The following NXPH1 variants were observed in gnomAD, a reference collection of about 807,000 sequenced individuals.
NXPH1 encodes the protein neurexophilin-1.
A neutral mutation model predicts 23.7 loss-of-function variants in NXPH1; 5 were observed. That is an observed-to-expected ratio of 0.21 (90% confidence interval 0.11 to 0.44). NXPH1 has a LOEUF of 0.44. NXPH1 is among the 20% of genes least tolerant of loss of function. The probability of loss-of-function intolerance (pLI) is 0.99; values close to 1 mark genes in which losing one functional copy is unlikely to be tolerated. For synonymous variants in NXPH1, 144 were observed against 122.2 expected (o/e 1.18, Z -1.18); for missense variants, 324 against 321.6 (o/e 1.01, Z -0.06).
intron 2 of NXPH1, among the ~76,000 whole-genome samples, chr7:8,476,056 G>A (rs537630014): frequency 2.0e-5 from 3 of 152,264 alleles, no homozygotes; most frequent in African/African-American, 7.2e-5. Context: ...CATGATGCAA[G>A]TAATGTTCTG....
chr7:8,726,793 C>A (rs1227416879), intron 2 of NXPH1, among the ~76,000 whole-genome samples: 1 of 150,438 alleles, frequency 6.6e-6, no homozygotes, highest in African/African-American at 2.4e-5. Context: ...CCGCAATAAA[C>A]ATACGTGTGC....
chr7:8,659,324 C>T (rs1820632920), intron 2 of NXPH1, among the ~76,000 whole-genome samples: 1 of 152,162 alleles, frequency 6.6e-6, no homozygotes, highest in Non-Finnish European at 1.5e-5. Flanking sequence ...CTCAGACCCT[C>T]TATTAAGGGT....
chr7:8,707,919 C>G (rs1172390039), intron 2 of NXPH1, among the ~76,000 whole-genome samples: 1 of 152,002 alleles, frequency 6.6e-6, no homozygotes, highest in Non-Finnish European at 1.5e-5. Context: ...AGTTTAATTA[C>G]TTAAATAATG....
chr7:8,576,674 T>C (rs916552578), intron 2 of NXPH1, among the ~76,000 whole-genome samples: 7 of 151,666 alleles, frequency 4.6e-5, no homozygotes. Context: ...GAACAGACAG[T>C]AGAAAAAAAG....
intron 2 of NXPH1, among the ~76,000 whole-genome samples, chr7:8,680,151 G>A (rs1289934241): frequency 6.6e-6 from 1 of 152,210 alleles, no homozygotes; most frequent in East Asian, 1.9e-4. Flanking sequence ...TCCTATGCTG[G>A]TAATTGTATA....
chr7:8,645,274 A>G (rs1309833421), intron 2 of NXPH1, among the ~76,000 whole-genome samples: 3 of 152,164 alleles, frequency 2.0e-5, no homozygotes, highest in Non-Finnish European at 4.4e-5. Flanking sequence ...TACCCAGTAC[A>G]TTTCCACAAG....
At chr7:8,653,882 C>T (rs1046477428) in intron 2 of NXPH1, among the ~76,000 whole-genome samples, 4 of 152,144 alleles carry the variant, frequency 2.6e-5, no homozygotes, top group African/African-American at 9.7e-5. Flanking sequence ...TTCTCCTCTA[C>T]ATACTTTTGC....
At chr7:8,685,163 A>G (rs1211528367) in intron 2 of NXPH1, among the ~76,000 whole-genome samples, 1 of 152,068 alleles carries the variant, frequency 6.6e-6, no homozygotes, top group South Asian at 2.1e-4. Flanking sequence ...TAATTCACAC[A>G]ATAGTTTAAT....
At chr7:8,711,081 T>G (rs1562462027) in intron 2 of NXPH1, among the ~76,000 whole-genome samples, 1 of 152,230 alleles carries the variant, frequency 6.6e-6, no homozygotes, top group Non-Finnish European at 1.5e-5. Context: ...GCAACATAAC[T>G]TTCAAGTTAT....
At chr7:8,461,666 TAAAAA>T (rs1439617810) in intron 2 of NXPH1, among the ~76,000 whole-genome samples, 79 of 150,016 alleles carry the variant, frequency 5.3e-4, no homozygotes, top group African/African-American at 1.9e-3. Context: ...CCGTCTCTAC[TAAAAA>T]TACAAAAAAT....
intron 2 of NXPH1, among the ~76,000 whole-genome samples, chr7:8,730,404 G>T (rs1780130180): frequency 6.6e-6 from 1 of 150,946 alleles, no homozygotes; most frequent in Non-Finnish European, 1.5e-5. Flanking sequence ...TGGTTATTTT[G>T]CTCGTTAGTT....
At chr7:8,537,427 G>A (rs1379583952) in intron 2 of NXPH1, among the ~76,000 whole-genome samples, 2 of 151,946 alleles carry the variant, frequency 1.3e-5, no homozygotes, top group African/African-American at 2.4e-5. Flanking sequence ...AGAAGGGGAA[G>A]CAAACATGTC....
chr7:8,745,475 T>C (rs916386030), intron 2 of NXPH1, among the ~76,000 whole-genome samples: 4 of 152,026 alleles, frequency 2.6e-5, no homozygotes, highest in African/African-American at 9.7e-5. Flanking sequence ...TGTTTGTCTA[T>C]GAATGTAAAA....
At chr7:8,732,143 G>A (rs1383574478) in intron 2 of NXPH1, among the ~76,000 whole-genome samples, 3 of 152,240 alleles carry the variant, frequency 2.0e-5, no homozygotes, top group African/African-American at 7.2e-5. Flanking sequence ...ACTAGGAAAG[G>A]GAACTCCCTG....
At chr7:8,681,989 G>T (rs1266793483) in intron 2 of NXPH1, among the ~76,000 whole-genome samples, 1 of 152,174 alleles carries the variant, frequency 6.6e-6, no homozygotes, top group African/African-American at 2.4e-5. Flanking sequence ...AGGAGCAAAA[G>T]CAAGGAGGCA....
At chr7:8,664,318 C>T (rs756370400) in intron 2 of NXPH1, among the ~76,000 whole-genome samples, 1 of 152,000 alleles carries the variant, frequency 6.6e-6, no homozygotes, top group Admixed American at 6.6e-5. Flanking sequence ...CTTGTATTGC[C>T]CAACTTGTTT....
intron 2 of NXPH1, among the ~76,000 whole-genome samples, chr7:8,618,192 C>A (rs539289085): frequency 6.6e-6 from 1 of 152,194 alleles, no homozygotes; most frequent in South Asian, 2.1e-4. Context: ...AATGGATACT[C>A]ATGTTTGTAC....
intron 2 of NXPH1, among the ~76,000 whole-genome samples, chr7:8,629,339 G>C (rs1221066663): frequency 1.3e-5 from 2 of 152,102 alleles, no homozygotes; most frequent in Admixed American, 1.3e-4. Context: ...TAGTTTAGCT[G>C]TGAAAAAGTT....
At chr7:8,571,596 G>A (rs1403868264) in intron 2 of NXPH1, among the ~76,000 whole-genome samples, 2 of 151,922 alleles carry the variant, frequency 1.3e-5, no homozygotes, top group East Asian at 3.9e-4. Context: ...AAGGACAAAT[G>A]CTAGACATAT....
Sources: allele counts gnomAD v4.1 joint callset (sites outside exome capture counted in the v4.1 genomes callset), GRCh38; gene constraint gnomAD v4.1.1; transcripts MANE v1.5; gene names NCBI Gene and HGNC (gene_info 2026-07-23, HGNC 2026-07-21).